The following PKNOX1 variants were observed in gnomAD, a reference collection of about 807,000 sequenced individuals.
PKNOX1 encodes PBX/knotted 1 homeobox 1.
PKNOX1 carries 15 observed loss-of-function variants against 51.9 expected under a neutral mutation model. The observed-to-expected ratio is 0.29, with a 90% CI of 0.19 to 0.45. The LOEUF (loss-of-function observed/expected upper bound fraction) is 0.45. Ranked by LOEUF, PKNOX1 falls within the 20% of genes least tolerant of loss-of-function variation. The pLI is 1.00. For synonymous variants in PKNOX1, 219 were observed against 211.1 expected (o/e 1.04, Z -0.32); for missense variants, 462 against 547.5 (o/e 0.84, Z 1.56).
intron 1 of PKNOX1, among the ~76,000 whole-genome samples, chr21:42,983,298 C>T (rs2059036202): frequency 2.2e-5 from 1 of 44,676 alleles, no homozygotes. Flanking sequence ...GCCTCCCCAT[C>T]TCCCCTCCCT....
chr21:42,976,787 A>C (rs1304313434), intron 1 of PKNOX1, among the ~76,000 whole-genome samples: 1 of 152,222 alleles, frequency 6.6e-6, no homozygotes, highest in Non-Finnish European at 1.5e-5. Context: ...AACTCCTGTT[A>C]ATGTTATTTG....
chr21:43,024,757 T>G (rs1979919350), intron 8 of PKNOX1, 114 bp from the exon 9 acceptor site: 1 of 687,486 alleles, frequency 1.5e-6, no homozygotes, highest in African/African-American at 1.8e-5. Context: ...CTAGAAGCAC[T>G]GTTGACGTGA....
Position 43,018,474 on chromosome 21 carries a change from C to CCACACACA in PKNOX1, c.720+287_720+294dup, listed in dbSNP as rs555017462. ...GTCACTCATAACCACCCCCTGCCAC[C>CCACACACA]CACACACACACACACACACACACAC... is the stretch of plus-strand genomic sequence containing the variant. On this transcript the variant is annotated intron_variant, in intron 7 of 10. Coordinates refer to ENST00000291547, the MANE Select transcript of PKNOX1 (RefSeq NM_004571.5). 2.9e-3 allele frequency among the ~76,000 whole-genome samples: 42 copies of CCACACACA among 14,448 alleles called. 16 individuals carry two copies. Among genetic ancestry groups the CCACACACA allele is most frequent in the East Asian group, 6.0e-3 (5 of 840 alleles). The allele number at this position is 14,448 out of a possible 152,430, so 9.5% of individuals were successfully genotyped here. A position where few individuals can be genotyped will look rare whatever the true frequency, so the allele number is the denominator to read the frequency against.
intron 1 of PKNOX1, among the ~76,000 whole-genome samples, chr21:42,986,058 T>C (rs1235587341): frequency 6.6e-6 from 1 of 151,872 alleles, no homozygotes; most frequent in Non-Finnish European, 1.5e-5. Context: ...GTAAAATACC[T>C]TTGATACTAG....
At position 43,010,214 on chromosome 21, in the gene PKNOX1, C is replaced by A; in HGVS notation, c.341C>A (p.Thr114Asn). Residue 114 changes from threonine (T) to asparagine (N), a missense_variant, in exon 4 of 11, where the codon ACT becomes AAT. Transcript: ENST00000291547. The part of the protein sequence containing the change: ...GKPFFCEDPE[T>N]DNLMVKAIQV... ...CCTTTCTTTTGTGAAGATCCAGAAA[C>A]TGATAATTTAGTAAGTAAAATAAAT... 1 of 1,535,306 alleles carries A rather than the reference C, an allele frequency of 6.5e-7. No homozygotes were observed. The highest frequency in any genetic ancestry group is 1.2e-5 in the South Asian group (1 of 82,572).
chr21:42,987,117 C>T (rs1483375124), intron 1 of PKNOX1, among the ~76,000 whole-genome samples: 1 of 151,860 alleles, frequency 6.6e-6, no homozygotes, highest in African/African-American at 2.4e-5. Context: ...TGCGGTGGCT[C>T]ACACCTGCAA....
intron 1 of PKNOX1, among the ~76,000 whole-genome samples, chr21:42,994,918 C>CTTTTTTTTTTTTTTTTTTTTT (rs11361350): frequency 8.8e-6 from 1 of 113,602 alleles, no homozygotes; most frequent in Non-Finnish European, 1.7e-5. Flanking sequence ...TTTCTTTCTT[C>CTTTTTTTTTTTTTTTTTTTTT]TTTTTTTTTT....
intron 1 of PKNOX1, among the ~76,000 whole-genome samples, chr21:43,003,379 T>C (rs551239590): frequency 2.6e-5 from 4 of 152,298 alleles, no homozygotes; most frequent in South Asian, 4.1e-4. Flanking sequence ...GGTTTTCTGT[T>C]GTCATGAAGC....
At chr21:42,983,388 A>G (rs867950082) in intron 1 of PKNOX1, among the ~76,000 whole-genome samples, 17 of 152,156 alleles carry the variant, frequency 1.1e-4, no homozygotes, top group Admixed American at 1.3e-4. Flanking sequence ...GGAATTAGGT[A>G]GTATTTGTCT....
intron 2 of PKNOX1, among the ~76,000 whole-genome samples, chr21:43,004,737 A>G (rs1978914809): frequency 6.6e-6 from 1 of 152,184 alleles, no homozygotes; most frequent in Non-Finnish European, 1.5e-5. Context: ...GTTGATTTTC[A>G]TGATGACAGA....
chr21:42,993,803 G>A (rs900086812), intron 1 of PKNOX1, among the ~76,000 whole-genome samples: 2 of 149,786 alleles, frequency 1.3e-5, no homozygotes, highest in African/African-American at 2.5e-5. Flanking sequence ...TGCAGTCTGG[G>A]CTCACAGCAG....
intron 1 of PKNOX1, among the ~76,000 whole-genome samples, chr21:42,975,216 C>T (rs1472792424): frequency 6.8e-6 from 1 of 146,714 alleles, no homozygotes; most frequent in Non-Finnish European, 1.5e-5. Context: ...GGGCGCGCGG[C>T]GGCGCAGGCG....
At chr21:43,019,289 G>T (rs1365865073) in intron 7 of PKNOX1, among the ~76,000 whole-genome samples, 1 of 150,836 alleles carries the variant, frequency 6.6e-6, no homozygotes, top group African/African-American at 2.4e-5. Context: ...CTGCTCGGGA[G>T]GCTGAGGCAG....
At chr21:42,989,091 G>A (rs1789797725) in intron 1 of PKNOX1, among the ~76,000 whole-genome samples, 3 of 151,796 alleles carry the variant, frequency 2.0e-5, no homozygotes, top group East Asian at 1.9e-4. Context: ...TCCTTTTTCT[G>A]TTTGATGTCT....
At position 43,021,309 on chromosome 21, in the gene PKNOX1, T is replaced by A. The variant is rs773853976; in HGVS notation, c.727T>A (p.Leu243Ile). The A allele has an allele frequency of 1.3e-6, 2 of 1,599,950 alleles. No homozygotes were observed. Among genetic ancestry groups the A allele is most frequent in the Admixed American group, 1.7e-5 (1 of 58,056 alleles). The part of the protein sequence containing the change: ...TIRIQNSQLQ[L>I]QLNQDLSILH... ...TATTTTTCAACTTTAAAAGCTTCAG[T>A]TACAGTTAAACCAAGATCTCAGCAT... The change falls in exon 8 of 11, where the codon TTA (leucine) becomes ATA (isoleucine). Residue 243 changes from leucine to isoleucine, a missense_variant. By Grantham distance (5) the Leu-to-Ile change is conservative. Transcript: ENST00000291547. This position sits in a 1 kb window ranked among gnomAD's most constrained non-coding sequence, Gnocchi z 4.6.
At chr21:42,982,888 C>T (rs956143231) in intron 1 of PKNOX1, among the ~76,000 whole-genome samples, 8 of 152,012 alleles carry the variant, frequency 5.3e-5, no homozygotes, top group Admixed American at 1.3e-4. Flanking sequence ...TGGCTCCCTG[C>T]AACCTCTGCC....
intron 8 of PKNOX1, among the ~76,000 whole-genome samples, chr21:43,022,237 G>C (rs1414878536): frequency 6.6e-6 from 1 of 152,216 alleles, no homozygotes; most frequent in Non-Finnish European, 1.5e-5. Context: ...TCGGCCTTCT[G>C]CACTGCATCT....
At position 43,021,492 on chromosome 21, in the gene PKNOX1, ATG is replaced by A; in HGVS notation, c.849+65_849+66del. On this transcript the variant is annotated intron_variant, in intron 8 of 10. Transcript: ENST00000291547. This position sits in a 1 kb window ranked among gnomAD's most constrained non-coding sequence, Gnocchi z 4.6. Reference sequence around the variant, plus strand: ...CTCTGCGACGCTTGCTCTCTGGCTTATGTGTCATGGAAAAGGGTTACTTCTCT... The same window carrying A: ...CTCTGCGACGCTTGCTCTCTGGCTTATGTCATGGAAAAGGGTTACTTCTCT... 1 of 1,509,386 alleles carries A rather than the reference ATG, an allele frequency of 6.6e-7. No homozygotes were observed. The allele number at this position is 1,509,386 out of a possible 1,614,324, so 93.5% of individuals were successfully genotyped here. A position where few individuals can be genotyped will look rare whatever the true frequency, so the allele number is the denominator to read the frequency against.
intron 7 of PKNOX1, among the ~76,000 whole-genome samples, chr21:43,019,337 G>A (rs1293981704): frequency 1.3e-5 from 2 of 150,292 alleles, no homozygotes; most frequent in African/African-American, 4.9e-5. Context: ...GTTGCAGTGA[G>A]CCGAGATCGT....
Sources: gnomAD v4.1 joint callset for allele counts (sites outside exome capture counted in the v4.1 genomes callset) on GRCh38, gnomAD v4.1.1 for gene constraint, Gnocchi (gnomAD v3.1) non-coding constraint, MANE v1.5 for transcripts, NCBI Gene and HGNC (gene_info 2026-07-23, HGNC 2026-07-21) for gene names.